GOLGA4: variants seen among roughly 807,000 people sequenced by gnomAD.
GOLGA4 encodes the protein golgin A4.
In GOLGA4, 169 loss-of-function variants were observed where a neutral mutation model predicts 265.9. The ratio of observed to expected loss-of-function variants is 0.64; its 90% CI spans 0.56 to 0.72. The LOEUF (loss-of-function observed/expected upper bound fraction) is 0.72. Ranked by LOEUF, GOLGA4 falls within the 30% of genes least tolerant of loss-of-function variation. The pLI is 0.00. For missense variants in GOLGA4, 2,482 were observed against 2,483.4 expected (o/e 1.00, Z 0.01); for synonymous variants, 923 against 855.8 (o/e 1.08, Z -1.37).
intron 1 of GOLGA4, among the ~76,000 whole-genome samples, chr3:37,245,602 CAAAG>C (rs1276690533): frequency 2.0e-5 from 3 of 152,094 alleles, no homozygotes; most frequent in Non-Finnish European, 4.4e-5. Flanking sequence ...TGTTCATTAA[CAAAG>C]AGGTTTTTAG....
At chr3:37,276,495 A>G in intron 2 of GOLGA4, 1 of 1,609,934 alleles carries the variant, frequency 6.2e-7, no homozygotes, top group Non-Finnish European at 8.5e-7. Context: ...AAATGTAAAA[A>G]GAAGAATTGC....
rs1357446543 is a variant in GOLGA4, at chr3:37,326,635, T to C, written c.4749T>C (p.Ala1583=). 6.2e-7 allele frequency: 1 copy of C among 1,611,782 alleles called. No individual in the cohort carries two copies. Among genetic ancestry groups the C allele is most frequent in the South Asian group, 1.1e-5 (1 of 90,374 alleles). The change falls in exon 14 of 24, where the codon GCT becomes GCC. Residue 1583 remains alanine (A), a synonymous_variant. Coordinates refer to ENST00000361924, the MANE Select transcript of GOLGA4 (RefSeq NM_002078.5). Reference sequence around the variant, plus strand: ...AAAAGGACAACAGGGTTAAAGAAGCTGAAGAAAAAATCTTAACACTTGAAA... The same window carrying C: ...AAAAGGACAACAGGGTTAAAGAAGCCGAAGAAAAAATCTTAACACTTGAAA... The part of the protein sequence containing the change: ...GEEKDNRVKE[A]EEKILTLENQ...
intron 23 of GOLGA4, among the ~76,000 whole-genome samples, chr3:37,362,072 CAG>C (rs1296749535): frequency 6.6e-6 from 1 of 152,124 alleles, no homozygotes; most frequent in Non-Finnish European, 1.5e-5. Flanking sequence ...AAATCAAAAA[CAG>C]ATCACAATTA....
intron 21 of GOLGA4, among the ~76,000 whole-genome samples, chr3:37,352,397 C>G (rs1289398047): frequency 2.0e-5 from 3 of 152,010 alleles, no homozygotes; most frequent in Non-Finnish European, 4.4e-5. Flanking sequence ...CACTCACTAT[C>G]ACAAGAACAG....
intron 17 of GOLGA4, among the ~76,000 whole-genome samples, chr3:37,336,772 GAA>G (rs1381024844): frequency 2.0e-5 from 3 of 150,922 alleles, no homozygotes; most frequent in South Asian, 4.2e-4. Flanking sequence ...AAGAAAGAGA[GAA>G]AGAGAGAGAG....
Position 37,327,790 on chromosome 3 carries a change from G to A in GOLGA4, c.5904G>A (p.Lys1968=). Residue 1968 remains lysine (K), a synonymous_variant, in exon 14 of 24, where the codon AAG becomes AAA. Transcript: ENST00000361924. ...KEHQQELEIL[K]KEYDQEREEK... Reference sequence around the variant, plus strand: ...ATCAGCAAGAATTGGAAATACTAAAGAAAGAATATGATCAAGAAAGGGAAG... The same window carrying A: ...ATCAGCAAGAATTGGAAATACTAAAAAAAGAATATGATCAAGAAAGGGAAG... The A allele has an allele frequency of 6.2e-7, 1 of 1,610,668 alleles. No homozygotes were observed. The highest frequency in any genetic ancestry group is 8.5e-7 in the Non-Finnish European group (1 of 1,177,544).
intron 4 of GOLGA4, among the ~76,000 whole-genome samples, chr3:37,286,858 G>A (rs1324690751): frequency 6.6e-6 from 1 of 152,156 alleles, no homozygotes; most frequent in Non-Finnish European, 1.5e-5. Flanking sequence ...TTTTGATTAA[G>A]TATGTAGGGA....
rs2096969017 is a variant in GOLGA4 at position 37,325,909 on chromosome 3, A to G, written c.4023A>G (p.Ile1341Met). 6.2e-7 allele frequency: 1 copy of G among 1,613,238 alleles called. No individual in the cohort carries two copies. Among genetic ancestry groups the G allele is most frequent in the Admixed American group, 1.7e-5 (1 of 59,994 alleles). The change falls in exon 14 of 24, where the codon ATA becomes ATG. Residue 1341 changes from isoleucine to methionine, a missense_variant. Physicochemically the swap from Ile to Met is conservative, Grantham distance 10. This residue lies in a region of GOLGA4 where 4 missense variants were observed against 16.5 expected (regional missense o/e 0.24). Coordinates refer to ENST00000361924, the MANE Select transcript of GOLGA4 (RefSeq NM_002078.5). ...QQAASEKESC[I>M]TQLKKELSEN... Reference sequence around the variant, plus strand: ...CTGCTTCTGAAAAGGAGTCTTGTATAACACAGTTGAAGAAAGAGTTATCTG... The same window carrying G: ...CTGCTTCTGAAAAGGAGTCTTGTATGACACAGTTGAAGAAAGAGTTATCTG...
chr3:37,260,827 T>C (rs2096767699), intron 2 of GOLGA4, among the ~76,000 whole-genome samples: 1 of 151,884 alleles, frequency 6.6e-6, no homozygotes, highest in Non-Finnish European at 1.5e-5. Flanking sequence ...CTGAAATAAA[T>C]AATAATAGTT....
intron 2 of GOLGA4, among the ~76,000 whole-genome samples, chr3:37,269,850 T>C (rs144115226): frequency 1.3e-5 from 2 of 151,526 alleles, no homozygotes; most frequent in African/African-American, 2.4e-5. Flanking sequence ...CTCTGTGTGC[T>C]TAATGGGGTG....
chr3:37,312,668 T>C (rs1220771992), intron 10 of GOLGA4, among the ~76,000 whole-genome samples: 2 of 151,780 alleles, frequency 1.3e-5, no homozygotes, highest in Admixed American at 6.6e-5. Flanking sequence ...AGACTACAGG[T>C]ACAAGCCACG....
At chr3:37,352,275 T>C (rs2097076970) in intron 21 of GOLGA4, among the ~76,000 whole-genome samples, 1 of 152,074 alleles carries the variant, frequency 6.6e-6, no homozygotes, top group African/African-American at 2.4e-5. Flanking sequence ...AGGAAACTTA[T>C]AATCATGGTG....
chr3:37,282,287 T>G lies in GOLGA4; in HGVS notation c.477+15T>G, dbSNP rs1216408939. 1.3e-6 allele frequency: 2 copies of G among 1,595,212 alleles called. No individual in the cohort carries two copies. The highest frequency in any genetic ancestry group is 1.7e-6 in the Non-Finnish European group (2 of 1,166,892). On this transcript the variant is annotated intron_variant, in intron 3 of 23. Coordinates refer to ENST00000361924, the MANE Select transcript of GOLGA4 (RefSeq NM_002078.5). ...AATATTCTGAGGTAGGAGCATGACC[T>G]TTTTGCCTGTACAAAAATTTCTTCC...
At chr3:37,290,103 C>G (rs957775318) in intron 5 of GOLGA4, among the ~76,000 whole-genome samples, 11 of 152,214 alleles carry the variant, frequency 7.2e-5, no homozygotes, top group African/African-American at 2.6e-4. Context: ...TGTAATTTAT[C>G]AGTCCAAGAT....
Position 37,282,161 on chromosome 3 carries a change from C to T in GOLGA4, c.366C>T (p.Ser122=), listed in dbSNP as rs774957170. The change falls in exon 3 of 24, where the codon AGC becomes AGT. Residue 122 remains serine (S), a synonymous_variant. Transcript: ENST00000361924. ...TTGATCCACCCTCTGATATGGATAG[C>T]GAGGCTGAAGACTTGGTAGGGAATT... The part of the protein sequence containing the change: ...ASFDPPSDMD[S]EAEDLVGNSD... 10 of 1,613,780 alleles carry T rather than the reference C, an allele frequency of 6.2e-6. No homozygotes were observed. In the African/African-American group the frequency reaches 6.7e-5, roughly 11 times the overall value.
At chr3:37,252,884 A>G (rs1217391068) in intron 2 of GOLGA4, among the ~76,000 whole-genome samples, 1 of 152,060 alleles carries the variant, frequency 6.6e-6, no homozygotes, top group African/African-American at 2.4e-5. Flanking sequence ...TTTGTTGAAT[A>G]TATATCTTGC....
At chr3:37,305,005 G>A (rs559129558) in intron 10 of GOLGA4, among the ~76,000 whole-genome samples, 96 of 151,916 alleles carry the variant, frequency 6.3e-4, no homozygotes, top group Non-Finnish European at 1.0e-3. Flanking sequence ...TGCAACCTCC[G>A]CCTCCTGGGT....
intron 15 of GOLGA4, 116 bp downstream of exon 15, chr3:37,328,653 T>C (rs967318886): frequency 1.0e-6 from 1 of 985,366 alleles, no homozygotes; most frequent in Non-Finnish European, 1.5e-6. Flanking sequence ...GAAGAAATAA[T>C]CCTTGCCCAA....
intron 22 of GOLGA4, among the ~76,000 whole-genome samples, chr3:37,357,643 A>G (rs2097094156): frequency 6.6e-6 from 1 of 152,190 alleles, no homozygotes; most frequent in Non-Finnish European, 1.5e-5. Context: ...TTTCACGAGT[A>G]TAAGAAAGTT....
Sources: allele counts gnomAD v4.1 joint callset (sites outside exome capture counted in the v4.1 genomes callset), GRCh38; gene constraint gnomAD v4.1.1; regional missense constraint gnomAD v4.1.1; transcripts MANE v1.5; gene names NCBI Gene and HGNC (gene_info 2026-07-23, HGNC 2026-07-21).